Variants in DYNLT2B observed in about 807,000 individuals in gnomAD.
DYNLT2B encodes dynein light chain Tctex-type 2B, also known as dynein light chain Tctex-type protein 2B.
DYNLT2B carries 14 observed loss-of-function variants against 19.5 expected under a neutral mutation model. That is an observed-to-expected ratio of 0.72 (90% confidence interval 0.47 to 1.12). The LOEUF is 1.12. Ranked by LOEUF, DYNLT2B falls within the 50% of genes most tolerant of loss-of-function variation. DYNLT2B has a pLI of 0.00. For missense variants in DYNLT2B, 133 were observed against 174.7 expected (o/e 0.76, Z 1.35); for synonymous variants, 70 against 59.7 (o/e 1.17, Z -0.79).
intron 3 of DYNLT2B, among the ~76,000 whole-genome samples, chr3:196,304,348 G>A (rs1422679011): frequency 6.6e-6 from 1 of 152,100 alleles, no homozygotes; most frequent in East Asian, 1.9e-4. Context: ...GGCCAGGCTG[G>A]TCTCGAACTC....
rs531303478 is a variant in DYNLT2B, at chr3:196,315,643, C to T, written c.247+455G>A. 4.7e-3 allele frequency among the ~76,000 whole-genome samples: 714 copies of T among 151,814 alleles called. 8 individuals carry two copies. Among genetic ancestry groups the T allele is most frequent in the African/African-American group, 0.016 (671 of 41,466 alleles). On this transcript the variant is annotated intron_variant, in intron 2 of 4. Coordinates refer to ENST00000325318, the MANE Select transcript of DYNLT2B (RefSeq NM_152773.5). ...ATCCCAGCACCTTGAGAGGCCGAGG[C>T]GGGTGGATTACCTGAGGTCAGGAGT...
intron 2 of DYNLT2B, among the ~76,000 whole-genome samples, chr3:196,315,735 G>C (rs1027343711): frequency 6.6e-6 from 1 of 152,104 alleles, no homozygotes; most frequent in Non-Finnish European, 1.5e-5. Context: ...AGCCAGGCGT[G>C]ATGGTGCATG....
chr3:196,308,654 A>G (rs1182408485), intron 2 of DYNLT2B, among the ~76,000 whole-genome samples: 1 of 152,254 alleles, frequency 6.6e-6, no homozygotes, highest in Non-Finnish European at 1.5e-5. Context: ...ATGAACGTGC[A>G]GGTTCCAAGA....
At chr3:196,292,424 C>T (rs1286941047) in intron 4 of DYNLT2B, 5 of 152,082 alleles carry the variant, frequency 3.3e-5, no homozygotes, top group African/African-American at 7.2e-5. Flanking sequence ...CTGTGTTCTA[C>T]GACAGTGCTG....
At chr3:196,310,860 CAAG>C (rs1354352067) in intron 2 of DYNLT2B, among the ~76,000 whole-genome samples, 6 of 152,058 alleles carry the variant, frequency 3.9e-5, no homozygotes. Context: ...CTCAGCCTCC[CAAG>C]TAGCTGGAAC....
At chr3:196,315,934 A>G in intron 2 of DYNLT2B, 164 bp downstream of exon 2, 1 of 685,958 alleles carries the variant, frequency 1.5e-6, no homozygotes, top group Non-Finnish European at 2.3e-6. Flanking sequence ...TGAACTCCAG[A>G]GCTCAAGCAA....
At chr3:196,311,081 C>T (rs997887696) in intron 2 of DYNLT2B, among the ~76,000 whole-genome samples, 6 of 151,958 alleles carry the variant, frequency 3.9e-5, no homozygotes, top group Admixed American at 1.3e-4. Flanking sequence ...AGAAAGACCA[C>T]GGCCCTAGGG....
intron 3 of DYNLT2B, chr3:196,298,186 C>T (rs903335438): frequency 2.0e-5 from 7 of 358,762 alleles, no homozygotes; most frequent in African/African-American, 4.3e-5. Context: ...CCAGGAATCG[C>T]TTACTCTTAA....
chr3:196,306,139 T>C (rs918906244), intron 3 of DYNLT2B, among the ~76,000 whole-genome samples: 2 of 151,430 alleles, frequency 1.3e-5, no homozygotes, highest in Admixed American at 6.6e-5. Context: ...AGGTCTGGCA[T>C]GGTGGTTCAA....
At chr3:196,311,552 T>C (rs1726642870) in intron 2 of DYNLT2B, among the ~76,000 whole-genome samples, 1 of 152,096 alleles carries the variant, frequency 6.6e-6, no homozygotes, top group African/African-American at 2.4e-5. Flanking sequence ...TAAGGAAATT[T>C]CCTTTATATG....
Position 196,317,182 on chromosome 3 carries a change from TTGTG to T in DYNLT2B, c.113+854_113+857del, listed in dbSNP as rs1196484985. Among the ~76,000 whole-genome samples, 50 of 48,406 alleles carry T rather than the reference TTGTG, an allele frequency of 1.0e-3. 2 individuals carry two copies. Among genetic ancestry groups the T allele is most frequent in the African/African-American group, 4.2e-3 (49 of 11,688 alleles). 31.8% of individuals were successfully genotyped at this position (48,406 alleles called of 152,430 possible). On this transcript the variant is annotated intron_variant, in intron 1 of 4. Coordinates refer to ENST00000325318, the MANE Select transcript of DYNLT2B (RefSeq NM_152773.5). ...GTGTGTGTGTGTGTGTGTGTGTGTG[TTGTG>T]TGTGTGTGTGTAAAGTTAGTGATCT...
At chr3:196,317,282 T>TGTG (rs1726876310) in intron 1 of DYNLT2B, among the ~76,000 whole-genome samples, 1 of 45,226 alleles carries the variant, frequency 2.2e-5, no homozygotes, top group African/African-American at 6.7e-5. Context: ...GTGTGTGTGT[T>TGTG]GTGTGTGTGT....
chr3:196,311,783 T>C (rs904753183), intron 2 of DYNLT2B, among the ~76,000 whole-genome samples: 1 of 151,938 alleles, frequency 6.6e-6, no homozygotes, highest in Non-Finnish European at 1.5e-5. Context: ...ACCCCCCAGG[T>C]TCAAGCAATT....
At position 196,311,585 on chromosome 3, in the gene DYNLT2B, G is replaced by T. The variant is rs568987409; in HGVS notation, c.247+4513C>A. Among the ~76,000 whole-genome samples, 3 of 152,204 alleles carry T rather than the reference G, an allele frequency of 2.0e-5. No individual in the cohort carries two copies. The South Asian group carries it at 6.2e-4, about 32-fold the overall frequency. ...ATGGAAAGAATAAAGTCTGCAGATT[G>T]AAAGCTATAAAATGCTCATTAGAAA... On this transcript the variant is annotated intron_variant, in intron 2 of 4. Coordinates refer to ENST00000325318, the MANE Select transcript of DYNLT2B (RefSeq NM_152773.5).
At chr3:196,313,046 T>C (rs776639184) in intron 2 of DYNLT2B, among the ~76,000 whole-genome samples, 26 of 151,932 alleles carry the variant, frequency 1.7e-4, no homozygotes, top group Non-Finnish European at 3.7e-4. Context: ...ACAATGAAAA[T>C]GACATGGTCA....
At chr3:196,313,720 TTTTAA>T (rs767511481) in intron 2 of DYNLT2B, among the ~76,000 whole-genome samples, 1 of 152,210 alleles carries the variant, frequency 6.6e-6, no homozygotes, top group Non-Finnish European at 1.5e-5. Context: ...TTTCTGTATT[TTTTAA>T]TTTCTTAAAC....
At chr3:196,314,798 A>G (rs1726732595) in intron 2 of DYNLT2B, among the ~76,000 whole-genome samples, 1 of 152,062 alleles carries the variant, frequency 6.6e-6, no homozygotes, top group South Asian at 2.1e-4. Context: ...TCCACCCTGG[A>G]CAAAACAGCA....
In DYNLT2B at chr3:196,318,058, C is replaced by T; in HGVS notation, c.95G>A (p.Arg32Gln). The change falls in exon 1 of 5, where the codon CGG (arginine) becomes CAG (glutamine). Residue 32 changes from arginine (R) to glutamine (Q), a missense_variant. Arg to Gln is a conservative substitution (Grantham distance 43). Transcript: ENST00000325318. Reference sequence around the variant, plus strand: ...TACCCGCCTCTGCTGGAAAACAGGCCGCAGAATATAGGTGTTCTCGGGCTC... The same window carrying T: ...TACCCGCCTCTGCTGGAAAACAGGCTGCAGAATATAGGTGTTCTCGGGCTC... ...AGEPENTYIL[R>Q]PVFQQRFRPS... 2.6e-6 allele frequency: 4 copies of T among 1,541,136 alleles called. No homozygotes were observed. Among genetic ancestry groups the T allele is most frequent in the Non-Finnish European group, 3.5e-6 (4 of 1,146,110 alleles).
chr3:196,312,037 C>T (rs538847529), intron 2 of DYNLT2B, among the ~76,000 whole-genome samples: 7 of 152,252 alleles, frequency 4.6e-5, no homozygotes, highest in East Asian at 1.9e-4. Context: ...TGCGCCACCA[C>T]GCCTGGCTAA....
Sources: gnomAD v4.1 joint callset for allele counts (sites outside exome capture counted in the v4.1 genomes callset) on GRCh38, gnomAD v4.1.1 for gene constraint, MANE v1.5 for transcripts, NCBI Gene and HGNC (gene_info 2026-07-23, HGNC 2026-07-21) for gene names.